Variants in LPIN1 observed in about 807,000 individuals in gnomAD.
LPIN1 encodes lipin 1.
Under a neutral mutation model 107.5 loss-of-function variants are expected in LPIN1, and 71 were observed. The ratio of observed to expected loss-of-function variants is 0.66; its 90% CI spans 0.55 to 0.80. LPIN1 has a LOEUF of 0.80. Among genes scored for constraint, LPIN1 ranks in the 30% least tolerant of loss-of-function variants. The pLI is 0.00. For synonymous variants in LPIN1, 445 were observed against 452.6 expected (o/e 0.98, Z 0.21); for missense variants, 1,043 against 1,160.6 (o/e 0.90, Z 1.47).
At position 11,800,013 on chromosome 2, in the gene LPIN1, T is replaced by C. The variant is rs976522106; in HGVS notation, c.1887-2894T>C. ...ACCACAGTTCTAGCCGATGCTCTGTTTTCCTTCAACTCAGCCTCCTGTTCC... is the reference window on the plus strand; with the variant it reads ...ACCACAGTTCTAGCCGATGCTCTGTCTTCCTTCAACTCAGCCTCCTGTTCC... On this transcript the variant is annotated intron_variant, in intron 14 of 20. Coordinates refer to ENST00000674199, the MANE Select transcript of LPIN1 (RefSeq NM_001349206.2). Among the ~76,000 whole-genome samples the C allele has an allele frequency of 5.9e-5, 9 of 152,192 alleles. No individual in the cohort carries two copies. In the East Asian group the frequency reaches 1.7e-3, roughly 29 times the overall value.
chr2:11,798,034 C>G (rs971735781), intron 14 of LPIN1, among the ~76,000 whole-genome samples: 9 of 152,128 alleles, frequency 5.9e-5, no homozygotes, highest in African/African-American at 1.9e-4. Context: ...GGAGTTCTCA[C>G]GAGATCTGAT....
intron 6 of LPIN1, 145 bp downstream of exon 6, chr2:11,776,338 T>C: frequency 2.1e-6 from 1 of 481,006 alleles, no homozygotes; most frequent in Non-Finnish European, 3.7e-6. Flanking sequence ...TTGATTTAAC[T>C]TTTACAAATC....
chr2:11,703,942 G>C (rs1041570331), intron 1 of LPIN1, among the ~76,000 whole-genome samples: 1 of 152,186 alleles, frequency 6.6e-6, no homozygotes, highest in Non-Finnish European at 1.5e-5. Context: ...CTGGTGGATG[G>C]GCTGGCCTGG....
At chr2:11,734,309 C>T in intron 1 of LPIN1, among the ~76,000 whole-genome samples, 1 of 152,158 alleles carries the variant, frequency 6.6e-6, no homozygotes, top group Non-Finnish European at 1.5e-5. Flanking sequence ...TTCTTCTGTC[C>T]TCACTCACGC....
chr2:11,805,276 C>A, intron 17 of LPIN1, 120 bp downstream of exon 17: 2 of 792,504 alleles, frequency 2.5e-6, no homozygotes, highest in Non-Finnish European at 4.4e-6. Context: ...GCACCTCAAC[C>A]AGGGAGGGGC....
At position 11,785,066 on chromosome 2, in the gene LPIN1, G is replaced by T. The variant is rs1306141601; in HGVS notation, c.1539G>T (p.Glu513Asp). 3.2e-6 allele frequency: 5 copies of T among 1,581,522 alleles called. 2 individuals carry two copies. The South Asian group carries it at 5.6e-5, about 18-fold the overall frequency. ...GCGGGGGCCTCAGCGACCACCGGGA[G>T]ATCACGAAAGGTACCGCGGGCCTCG... is the stretch of plus-strand genomic sequence containing the variant. ...SLCGGLSDHREITKDAFLEQA... is the reference protein window; with the variant it reads ...SLCGGLSDHRDITKDAFLEQA... Residue 513 changes from glutamate to aspartate, a missense_variant, in exon 10 of 21, where the codon GAG (glutamate) becomes GAT (aspartate). Coordinates refer to ENST00000674199, the MANE Select transcript of LPIN1 (RefSeq NM_001349206.2).
At chr2:11,681,901 C>A (rs542573138) in intron 1 of LPIN1, among the ~76,000 whole-genome samples, 2 of 152,186 alleles carry the variant, frequency 1.3e-5, no homozygotes, top group African/African-American at 2.4e-5. Flanking sequence ...TCTACAGGGA[C>A]CTTTGGAGCG....
At chr2:11,694,810 CA>C (rs1662488489) in intron 1 of LPIN1, among the ~76,000 whole-genome samples, 1 of 152,226 alleles carries the variant, frequency 6.6e-6, no homozygotes, top group Admixed American at 6.5e-5. Flanking sequence ...ATCTCTCACA[CA>C]TACAAAAGTT....
chr2:11,756,520 C>A (rs538566547), intron 1 of LPIN1, among the ~76,000 whole-genome samples: 4 of 152,254 alleles, frequency 2.6e-5, no homozygotes, highest in African/African-American at 9.6e-5. Context: ...TCTCGAGTAG[C>A]TGGGATTACA....
chr2:11,698,568 T>C (rs1220960682), intron 1 of LPIN1, among the ~76,000 whole-genome samples: 1 of 152,098 alleles, frequency 6.6e-6, no homozygotes, highest in Non-Finnish European at 1.5e-5. Context: ...TAAAAGCTGG[T>C]CTTCTAGATT....
At chr2:11,727,793 G>A (rs907945538) in intron 1 of LPIN1, among the ~76,000 whole-genome samples, 1 of 152,090 alleles carries the variant, frequency 6.6e-6, no homozygotes, top group Non-Finnish European at 1.5e-5. Flanking sequence ...AAATTGATTT[G>A]CTTATTTTTT....
rs760516112 is a variant in LPIN1 at position 11,773,660 on chromosome 2, C to T, written c.637C>T (p.Pro213Ser). The change falls in exon 5 of 21, where the codon CCT becomes TCT. Residue 213 changes from proline to serine, a missense_variant. Coordinates refer to ENST00000674199, the MANE Select transcript of LPIN1 (RefSeq NM_001349206.2). ...TATACCTCCATTCCAAGATGATATTCCTGAGGAAAACCTCTCCCTGGCTGT... is the reference window on the plus strand; with the variant it reads ...TATACCTCCATTCCAAGATGATATTTCTGAGGAAAACCTCTCCCTGGCTGT... ...NDIPPFQDDI[P>S]EENLSLAVIY... is the part of the protein sequence containing the mutation. The T allele has an allele frequency of 3.7e-6, 6 of 1,611,876 alleles. No individual in the cohort carries two copies. The African/African-American group carries it at 8.0e-5, about 22-fold the overall frequency.
chr2:11,791,570 C>A, intron 12 of LPIN1: 1 of 894,570 alleles, frequency 1.1e-6, no homozygotes, highest in Non-Finnish European at 1.5e-6. Context: ...GTAATGATAT[C>A]TTAACCAGTT....
At chr2:11,807,809 G>A (rs1678973433) in intron 17 of LPIN1, among the ~76,000 whole-genome samples, 1 of 152,144 alleles carries the variant, frequency 6.6e-6, no homozygotes, top group African/African-American at 2.4e-5. Context: ...CCCATCTTCA[G>A]GGCAGCTTTC....
At chr2:11,725,686 G>T (rs1293936899) in intron 1 of LPIN1, among the ~76,000 whole-genome samples, 1 of 152,058 alleles carries the variant, frequency 6.6e-6, no homozygotes, top group African/African-American at 2.4e-5. Context: ...GGATTTTTTT[G>T]TTTGTTCTGT....
At chr2:11,736,776 C>G (rs925383410) in intron 1 of LPIN1, among the ~76,000 whole-genome samples, 1 of 152,228 alleles carries the variant, frequency 6.6e-6, no homozygotes, top group African/African-American at 2.4e-5. Flanking sequence ...CATCTATTCT[C>G]TTAGATTTGC....
intron 1 of LPIN1, among the ~76,000 whole-genome samples, chr2:11,739,804 T>C (rs1666152065): frequency 6.6e-6 from 1 of 152,132 alleles, no homozygotes; most frequent in South Asian, 2.1e-4. Context: ...GATCCAGAAA[T>C]GACATTCATG....
chr2:11,793,831 C>T (rs1325670461), intron 13 of LPIN1, among the ~76,000 whole-genome samples: 1 of 152,158 alleles, frequency 6.6e-6, no homozygotes, highest in Admixed American at 6.5e-5. Flanking sequence ...TCTGTCTAGA[C>T]CCGAAACTTC....
At chr2:11,790,995 G>T (rs1245981417) in intron 12 of LPIN1, among the ~76,000 whole-genome samples, 2 of 152,058 alleles carry the variant, frequency 1.3e-5, no homozygotes, top group African/African-American at 2.4e-5. Flanking sequence ...TAAAAAAAAT[G>T]TGGTTTTGTT....
Sources: allele counts gnomAD v4.1 joint callset (sites outside exome capture counted in the v4.1 genomes callset), GRCh38; gene constraint gnomAD v4.1.1; transcripts MANE v1.5; gene names NCBI Gene and HGNC (gene_info 2026-07-23, HGNC 2026-07-21).